The following EYA3 variants were observed in gnomAD, a reference collection of about 807,000 sequenced individuals.
EYA3 encodes the protein EYA transcriptional coactivator and phosphatase 3, also known as protein phosphatase EYA3.
A neutral mutation model predicts 80.0 loss-of-function variants in EYA3; 39 were observed. That is an observed-to-expected ratio of 0.49 (90% confidence interval 0.38 to 0.64). EYA3 has a LOEUF of 0.64. Among genes scored for constraint, EYA3 ranks in the 30% least tolerant of loss-of-function variants. The pLI is 0.00. For missense variants in EYA3, 523 were observed against 676.1 expected, an observed-to-expected ratio of 0.77 and a Z score of 2.51; for synonymous variants, 206 against 232.8, an observed-to-expected ratio of 0.88 and a Z score of 1.05.
intron 2 of EYA3, among the ~76,000 whole-genome samples, chr1:28,051,138 GA>G (rs1033071869): frequency 2.3e-4 from 35 of 152,214 alleles, no homozygotes; most frequent in African/African-American, 6.7e-4. Context: ...CAGGAAGTAA[GA>G]AAGCAATAAA....
At chr1:27,986,759 G>C (rs1361377621) in intron 16 of EYA3, among the ~76,000 whole-genome samples, 1 of 151,898 alleles carries the variant, frequency 6.6e-6, no homozygotes, top group African/African-American at 2.4e-5. Flanking sequence ...CTGGAGTGCA[G>C]TGGTGCAATC....
chr1:28,052,801 G>A (rs865788379), intron 2 of EYA3, among the ~76,000 whole-genome samples: 1 of 151,948 alleles, frequency 6.6e-6, no homozygotes, highest in African/African-American at 2.4e-5. Context: ...AATTAGCCAG[G>A]TGTGGTGGCA....
intron 3 of EYA3, among the ~76,000 whole-genome samples, chr1:28,046,934 G>A (rs1557612540): frequency 6.6e-6 from 1 of 151,072 alleles, no homozygotes; most frequent in Non-Finnish European, 1.5e-5. Flanking sequence ...CACAACTTCT[G>A]GCCCCTGGGC....
chr1:28,002,885 C>T (rs1015611611), intron 11 of EYA3, among the ~76,000 whole-genome samples: 3 of 151,788 alleles, frequency 2.0e-5, no homozygotes, highest in African/African-American at 7.3e-5. Context: ...CTTTGGAAGA[C>T]CGAGGCAGGC....
intron 17 of EYA3, chr1:27,977,484 C>T (rs1319849691): frequency 2.5e-6 from 3 of 1,215,782 alleles, no homozygotes; most frequent in African/African-American, 1.5e-5. Flanking sequence ...TTCAAATTCA[C>T]ATAGCTGAGA....
At chr1:28,008,365 C>A (rs958523498) in intron 10 of EYA3, among the ~76,000 whole-genome samples, 18 of 151,724 alleles carry the variant, frequency 1.2e-4, no homozygotes, top group Admixed American at 6.6e-5. Context: ...ATCTTCATAA[C>A]CGTGTATTAA....
At chr1:28,005,680 A>T (rs1641214484) in intron 10 of EYA3, among the ~76,000 whole-genome samples, 1 of 151,918 alleles carries the variant, frequency 6.6e-6, no homozygotes, top group Non-Finnish European at 1.5e-5. Flanking sequence ...ACACCACTGC[A>T]CTCCAGTCTG....
intron 11 of EYA3, among the ~76,000 whole-genome samples, chr1:28,003,100 C>CAA (rs1181469791): frequency 7.3e-4 from 45 of 61,300 alleles, no homozygotes; most frequent in South Asian, 2.1e-3. Context: ...ACTAAAAATA[C>CAA]AAAAAAAAAA....
intron 14 of EYA3, among the ~76,000 whole-genome samples, chr1:27,991,609 T>G (rs1266811938): frequency 1.3e-5 from 2 of 152,204 alleles, no homozygotes; most frequent in Admixed American, 1.3e-4. Context: ...GGAGTATAAT[T>G]TGTTTTCAGA....
intron 14 of EYA3, 86 bp downstream of exon 14, chr1:27,993,314 T>C (rs1282419103): frequency 7.3e-7 from 1 of 1,370,322 alleles, no homozygotes; most frequent in Non-Finnish European, 1.0e-6. Context: ...TAAGCAGTTG[T>C]CATGGGGAAT....
chr1:28,058,401 T>C (rs1272414530), intron 1 of EYA3, among the ~76,000 whole-genome samples: 2 of 152,174 alleles, frequency 1.3e-5, no homozygotes, highest in Non-Finnish European at 2.9e-5. Flanking sequence ...AAAATATTTT[T>C]TTAAGGATTA....
At chr1:28,020,715 T>TGTGTGTGA (rs1491052671) in intron 7 of EYA3, among the ~76,000 whole-genome samples, 1 of 138,992 alleles carries the variant, frequency 7.2e-6, no homozygotes, top group Non-Finnish European at 1.6e-5. Flanking sequence ...TGTGTGTGTG[T>TGTGTGTGA]GAATAAAAAT....
At position 27,973,856 on chromosome 1, in the gene EYA3, C is replaced by T. The variant is rs1638816136; in HGVS notation, c.*610G>A. 6.6e-6 allele frequency: 1 copy of T among 152,158 alleles called. No homozygotes were observed. Among genetic ancestry groups the T allele is most frequent in the Non-Finnish European group, 1.5e-5 (1 of 68,030 alleles). The allele number at this position is 152,158 out of a possible 1,614,324, so 9.4% of individuals were successfully genotyped here. ...AGAAAAAGAAAGTGGGGGAAACCTG[C>T]GTCAAAGATCAGACCCTTACCTATA... On this transcript the variant is annotated 3_prime_UTR_variant, in exon 18 of 18. Coordinates refer to ENST00000373871, the MANE Select transcript of EYA3 (RefSeq NM_001990.4).
At chr1:28,012,606 G>T (rs1641768796) in intron 9 of EYA3, among the ~76,000 whole-genome samples, 1 of 152,116 alleles carries the variant, frequency 6.6e-6, no homozygotes, top group African/African-American at 2.4e-5. Flanking sequence ...TTTTAAGTTG[G>T]ACACTGTAAT....
At chr1:28,040,660 A>G (rs1643722203) in intron 4 of EYA3, among the ~76,000 whole-genome samples, 1 of 152,186 alleles carries the variant, frequency 6.6e-6, no homozygotes, top group African/African-American at 2.4e-5. Context: ...AATTTGCAAC[A>G]TGAAAATAAC....
intron 16 of EYA3, among the ~76,000 whole-genome samples, chr1:27,986,082 T>C (rs1276489065): frequency 6.6e-6 from 1 of 152,068 alleles, no homozygotes; most frequent in Non-Finnish European, 1.5e-5. Flanking sequence ...ACAAAAAATT[T>C]TGGCGAGGTG....
intron 14 of EYA3, among the ~76,000 whole-genome samples, chr1:27,991,677 C>A (rs1348335480): frequency 6.6e-6 from 1 of 152,080 alleles, no homozygotes; most frequent in African/African-American, 2.4e-5. Flanking sequence ...TTGGATAAAA[C>A]AAAACGACAA....
At chr1:28,067,821 A>G (rs1366590757) in intron 1 of EYA3, among the ~76,000 whole-genome samples, 1 of 152,236 alleles carries the variant, frequency 6.6e-6, no homozygotes, top group Non-Finnish European at 1.5e-5. Context: ...GACAGACACG[A>G]TTCTCTCTTG....
chr1:28,080,272 G>A (rs12144293), intron 1 of EYA3, among the ~76,000 whole-genome samples: 1,561 of 151,082 alleles, frequency 0.01, 14 homozygotes, highest in African/African-American at 0.021. Context: ...CAGTGAAACC[G>A]CATCTATAAA....
Sources: gnomAD v4.1 joint callset for allele counts (sites outside exome capture counted in the v4.1 genomes callset) on GRCh38, gnomAD v4.1.1 for gene constraint, MANE v1.5 for transcripts, NCBI Gene and HGNC (gene_info 2026-07-23, HGNC 2026-07-21) for gene names.